Variants in OSTF1 observed in about 807,000 individuals in gnomAD.
OSTF1 encodes osteoclast-stimulating factor 1.
OSTF1 carries 27 observed loss-of-function variants against 37.2 expected under a neutral mutation model. The ratio of observed to expected loss-of-function variants is 0.73; its 90% CI spans 0.54 to 1.00. The LOEUF (loss-of-function observed/expected upper bound fraction) is 1.00, where lower values mean the gene tolerates loss of function less well. Among genes scored for constraint, OSTF1 ranks in the 50% least tolerant of loss-of-function variants. OSTF1 has a pLI of 0.00. For synonymous variants in OSTF1, 82 were observed against 89.2 expected (o/e 0.92, Z 0.46); for missense variants, 232 against 253.8 (o/e 0.91, Z 0.58).
chr9:75,123,735 A>G (rs1320777438), intron 2 of OSTF1, among the ~76,000 whole-genome samples: 1 of 152,204 alleles, frequency 6.6e-6, no homozygotes, highest in Non-Finnish European at 1.5e-5. Context: ...AGAAGAAGAC[A>G]TTTTACGAGT....
At chr9:75,134,495 C>T (rs1185715628) in intron 7 of OSTF1, 100 bp downstream of exon 7, 3 of 632,354 alleles carry the variant, frequency 4.7e-6, no homozygotes, top group Non-Finnish European at 8.4e-6. Context: ...CAAAATCCCA[C>T]AAGCACATAA....
chr9:75,111,583 G>A (rs775562663), intron 1 of OSTF1, among the ~76,000 whole-genome samples: 10 of 152,078 alleles, frequency 6.6e-5, no homozygotes, highest in African/African-American at 9.7e-5. Context: ...ATTGGGCCTC[G>A]TTTTAACCTT....
chr9:75,094,288 C>G (rs1825032866), intron 1 of OSTF1, among the ~76,000 whole-genome samples: 1 of 151,616 alleles, frequency 6.6e-6, no homozygotes, highest in African/African-American at 2.4e-5. Flanking sequence ...GTGGAACAGT[C>G]TTTTATTTCT....
intron 1 of OSTF1, among the ~76,000 whole-genome samples, chr9:75,100,433 TAAA>T (rs1437154506): frequency 6.6e-6 from 1 of 151,664 alleles, no homozygotes; most frequent in Non-Finnish European, 1.5e-5. Flanking sequence ...TTTTTTTTTT[TAAA>T]AAAGTCTCTG....
chr9:75,088,531 T>C lies in OSTF1; in HGVS notation c.-162T>C, dbSNP rs1824847563. 1.3e-6 allele frequency: 1 copy of C among 746,928 alleles called. No individual in the cohort carries two copies. Among genetic ancestry groups the C allele is most frequent in the Admixed American group, 2.4e-5 (1 of 42,296 alleles). 46.3% of individuals were successfully genotyped at this position (746,928 alleles called of 1,614,324 possible). A position where few individuals can be genotyped will look rare whatever the true frequency, so the allele number is the denominator to read the frequency against. ...GGCGGAGCACTCGGCGGAGCCGCTCTGCCTGCGTCCGCTCTTCCCGCAGCC... is the reference window on the plus strand; with the variant it reads ...GGCGGAGCACTCGGCGGAGCCGCTCCGCCTGCGTCCGCTCTTCCCGCAGCC... On this transcript the variant is annotated 5_prime_UTR_variant, in exon 1 of 10. Coordinates refer to ENST00000346234, the MANE Select transcript of OSTF1 (RefSeq NM_012383.5).
chr9:75,117,979 G>A (rs1405257340), intron 2 of OSTF1, among the ~76,000 whole-genome samples: 2 of 152,118 alleles, frequency 1.3e-5, no homozygotes, highest in Non-Finnish European at 2.9e-5. Context: ...CATTGTTGTA[G>A]TTTCCGGTAT....
chr9:75,124,793 T>C (rs1825636490), intron 2 of OSTF1, among the ~76,000 whole-genome samples: 1 of 152,196 alleles, frequency 6.6e-6, no homozygotes, highest in African/African-American at 2.4e-5. Flanking sequence ...TAAAGTGTTT[T>C]GTTTGTTTAA....
intron 2 of OSTF1, among the ~76,000 whole-genome samples, chr9:75,121,140 C>G (rs949147692): frequency 6.6e-6 from 1 of 152,084 alleles, no homozygotes; most frequent in Admixed American, 6.5e-5. Context: ...GTGTTCTCAT[C>G]TGTAAAGTGA....
intron 1 of OSTF1, among the ~76,000 whole-genome samples, chr9:75,114,089 A>T (rs1031380120): frequency 4.6e-5 from 7 of 152,288 alleles, no homozygotes; most frequent in African/African-American, 1.7e-4. Context: ...AATGTTCTTC[A>T]GGTTCATTAA....
rs895839435 is a variant in OSTF1, at chr9:75,091,873, C to T, written c.34+3147C>T. On this transcript the variant is annotated intron_variant, in intron 1 of 9. Coordinates refer to ENST00000346234, the MANE Select transcript of OSTF1 (RefSeq NM_012383.5). The stretch of plus-strand genomic sequence containing the variant: ...GAAAAATCTCAAGATTCATAGTGCT[C>T]ATAAAATTAAAATGTGTCACTTACT... Among the ~76,000 whole-genome samples the T allele has an allele frequency of 2.6e-5, 4 of 152,284 alleles. No homozygotes were observed. The East Asian group carries it at 5.8e-4, about 22-fold the overall frequency.
chr9:75,122,275 A>G (rs1288714065), intron 2 of OSTF1, among the ~76,000 whole-genome samples: 1 of 152,200 alleles, frequency 6.6e-6, no homozygotes, highest in Non-Finnish European at 1.5e-5. Context: ...AGCCACGTGT[A>G]GAGGAAGGAG....
chr9:75,090,968 T>C (rs1007851992), intron 1 of OSTF1, among the ~76,000 whole-genome samples: 7 of 151,996 alleles, frequency 4.6e-5, no homozygotes, highest in Non-Finnish European at 1.0e-4. Flanking sequence ...GTTGCACAGA[T>C]GGGGAAATAA....
chr9:75,101,854 A>C (rs1825198628), intron 1 of OSTF1, among the ~76,000 whole-genome samples: 1 of 152,198 alleles, frequency 6.6e-6, no homozygotes, highest in African/African-American at 2.4e-5. Context: ...TGGTCTCTGT[A>C]TCAGGTTTGA....
intron 2 of OSTF1, among the ~76,000 whole-genome samples, chr9:75,124,605 A>G (rs947242008): frequency 6.6e-6 from 1 of 152,178 alleles, no homozygotes; most frequent in Non-Finnish European, 1.5e-5. Flanking sequence ...TACATTCACA[A>G]TTCATTACCT....
At chr9:75,102,699 G>A (rs984915181) in intron 1 of OSTF1, among the ~76,000 whole-genome samples, 1 of 152,034 alleles carries the variant, frequency 6.6e-6, no homozygotes, top group African/African-American at 2.4e-5. Context: ...TCTTTATTCT[G>A]GGGCTGCCTG....
intron 4 of OSTF1, among the ~76,000 whole-genome samples, chr9:75,131,538 A>G (rs968625679): frequency 1.3e-4 from 20 of 152,180 alleles, no homozygotes; most frequent in Admixed American, 5.2e-4. Context: ...GTTAATTACT[A>G]TGTTATTGCC....
At position 75,137,632 on chromosome 9, in the gene OSTF1, A is replaced by C. The variant is rs1825864240; in HGVS notation, c.487+16A>C. The stretch of plus-strand genomic sequence containing the variant: ...CTGGCAAAAGGTAAAGTTTGTGCTG[A>C]GTTTATCTGGTCTTTGCTTGCCCTG... On this transcript the variant is annotated intron_variant, in intron 8 of 9. Transcript: ENST00000346234. The C allele has an allele frequency of 1.3e-6, 2 of 1,545,778 alleles. No individual in the cohort carries two copies. Among genetic ancestry groups the C allele is most frequent in the South Asian group, 2.2e-5 (2 of 89,682 alleles).
chr9:75,128,001 T>A (rs942119899), intron 3 of OSTF1, among the ~76,000 whole-genome samples: 1 of 152,038 alleles, frequency 6.6e-6, no homozygotes, highest in Non-Finnish European at 1.5e-5. Flanking sequence ...CTTGTTTTTC[T>A]CAATTTCAGA....
In OSTF1 at chr9:75,144,279, G is replaced by A. The variant is rs73548205; in HGVS notation, c.587-2404G>A. ...GTGTGAAGTCAGTGAAACATGGCCA[G>A]GTGTGGCGGCTCACACCTGTAATCC... On this transcript the variant is annotated intron_variant, in intron 9 of 9. Transcript: ENST00000346234. Among the ~76,000 whole-genome samples the A allele has an allele frequency of 2.3e-3, 344 of 152,298 alleles. 2 individuals are homozygous for A. The highest frequency in any genetic ancestry group is 7.7e-3 in the African/African-American group (322 of 41,556).
Sources: gnomAD v4.1 joint callset for allele counts (sites outside exome capture counted in the v4.1 genomes callset) on GRCh38, gnomAD v4.1.1 for gene constraint, MANE v1.5 for transcripts, NCBI Gene and HGNC (gene_info 2026-07-23, HGNC 2026-07-21) for gene names.